The following TRAPPC6B variants were observed in gnomAD, a reference collection of about 807,000 sequenced individuals.
TRAPPC6B encodes TRAPP complex subunit 6B.
A neutral mutation model predicts 24.7 loss-of-function variants in TRAPPC6B; 27 were observed. The observed-to-expected ratio is 1.09, with a 90% CI of 0.81 to 1.51. The LOEUF is 1.51. Among genes scored for constraint, TRAPPC6B ranks in the 40% most tolerant of loss-of-function variants. The probability of loss-of-function intolerance (pLI) is 0.00; values close to 1 mark genes in which losing one functional copy is unlikely to be tolerated. For missense variants in TRAPPC6B, 212 were observed against 190.8 expected, an observed-to-expected ratio of 1.11 and a Z score of -0.66; for synonymous variants, 80 against 66.6, an observed-to-expected ratio of 1.20 and a Z score of -0.98.
chr14:39,154,083 A>G, intron 4 of TRAPPC6B, 128 bp downstream of exon 4: 1 of 597,040 alleles, frequency 1.7e-6, no homozygotes, highest in Non-Finnish European at 2.9e-6. Flanking sequence ...ATTTCATAGA[A>G]AACTCTTTAA....
intron 4 of TRAPPC6B, 144 bp downstream of exon 4, chr14:39,154,067 T>G (rs1183451880): frequency 1.8e-6 from 1 of 569,070 alleles, no homozygotes; most frequent in Admixed American, 3.0e-5. Flanking sequence ...TTGTAACATG[T>G]CTCTCATTTC....
At chr14:39,163,216 A>G (rs1231037448) in intron 1 of TRAPPC6B, among the ~76,000 whole-genome samples, 2 of 150,108 alleles carry the variant, frequency 1.3e-5, no homozygotes, top group Admixed American at 6.6e-5. Context: ...CTAAAAATAC[A>G]AAAAATTAGC....
chr14:39,158,278 TA>T lies in TRAPPC6B; in HGVS notation c.267+6del. Reference sequence around the variant, plus strand: ...TTTAAAATATAGGCCTTAATTAATTTAATTACCTGATGATTTGTCCTTAGAT... The same window carrying T: ...TTTAAAATATAGGCCTTAATTAATTTATTACCTGATGATTTGTCCTTAGAT... On this transcript the variant is annotated splice_donor_region_variant and intron_variant, in intron 3 of 5. Transcript: ENST00000330149. The T allele has an allele frequency of 6.8e-7, 1 of 1,478,886 alleles. No homozygotes were observed. The highest frequency in any genetic ancestry group is 9.3e-7 in the Non-Finnish European group (1 of 1,080,714). 91.6% of individuals were successfully genotyped at this position (1,478,886 alleles called of 1,614,324 possible).
At chr14:39,165,156 C>T (rs1168118782) in intron 1 of TRAPPC6B, among the ~76,000 whole-genome samples, 2 of 152,038 alleles carry the variant, frequency 1.3e-5, no homozygotes, top group Non-Finnish European at 2.9e-5. Flanking sequence ...CGCCATTCTC[C>T]TGCCTCAGCC....
chr14:39,154,527 C>T lies in TRAPPC6B; in HGVS notation c.268-233G>A, dbSNP rs555690859. 3.9e-5 allele frequency among the ~76,000 whole-genome samples: 6 copies of T among 152,252 alleles called. No homozygotes were observed. The South Asian group carries it at 8.3e-4, about 21-fold the overall frequency. On this transcript the variant is annotated intron_variant, in intron 3 of 5. Transcript: ENST00000330149. ...CTCCAACTCCCAGACTCAATCAATCCTCCCACCGCAGGCTCCCAAGTAGCT... is the reference window on the plus strand; with the variant it reads ...CTCCAACTCCCAGACTCAATCAATCTTCCCACCGCAGGCTCCCAAGTAGCT...
intron 1 of TRAPPC6B, among the ~76,000 whole-genome samples, chr14:39,163,989 C>G (rs1043896320): frequency 6.6e-6 from 1 of 150,830 alleles, no homozygotes; most frequent in Non-Finnish European, 1.5e-5. Flanking sequence ...CCCAACCCCC[C>G]ATACACTGTA....
intron 1 of TRAPPC6B, among the ~76,000 whole-genome samples, chr14:39,162,923 G>T (rs1260684091): frequency 7.0e-6 from 1 of 143,396 alleles, no homozygotes; most frequent in African/African-American, 3.0e-5. Context: ...CACATTCCAG[G>T]GGCTTTTGCA....
At chr14:39,161,679 G>A (rs2053060935) in intron 1 of TRAPPC6B, among the ~76,000 whole-genome samples, 1 of 152,142 alleles carries the variant, frequency 6.6e-6, no homozygotes, top group Admixed American at 6.6e-5. Flanking sequence ...TCTTACCGTA[G>A]ATGGCACACA....
At chr14:39,154,317 A>T in intron 3 of TRAPPC6B, 23 bp from the exon 4 acceptor site, 1 of 1,495,236 alleles carries the variant, frequency 6.7e-7, no homozygotes, top group Non-Finnish European at 9.3e-7. Flanking sequence ...TAGAAAAAAA[A>T]TCCAAAGTCA....
Position 39,150,003 on chromosome 14 carries a change from G to T in TRAPPC6B, c.*347C>A, listed in dbSNP as rs1337584499. 1 of 180,794 alleles carries T rather than the reference G, an allele frequency of 5.5e-6. No homozygotes were observed. Among genetic ancestry groups the T allele is most frequent in the Admixed American group, 6.2e-5 (1 of 16,178 alleles). 11.2% of individuals were successfully genotyped at this position (180,794 alleles called of 1,614,324 possible). Reference sequence around the variant, plus strand: ...GTTCATTCTTCTCACAAATAATTCTGTTGGTACATAATTTTCTCTCATGCT... The same window carrying T: ...GTTCATTCTTCTCACAAATAATTCTTTTGGTACATAATTTTCTCTCATGCT... On this transcript the variant is annotated 3_prime_UTR_variant, in exon 6 of 6. Coordinates refer to ENST00000330149, the MANE Select transcript of TRAPPC6B (RefSeq NM_001079537.2).
chr14:39,170,123 T>A lies in TRAPPC6B; in HGVS notation c.-28A>T. On this transcript the variant is annotated 5_prime_UTR_variant, in exon 1 of 6. Transcript: ENST00000330149. ...CCTGCTAATTCTTCCAAGCTTCGAGTTTTGGCTCCCGTTTGAGCTGGTCTG... is the reference window on the plus strand; with the variant it reads ...CCTGCTAATTCTTCCAAGCTTCGAGATTTGGCTCCCGTTTGAGCTGGTCTG... 6.2e-7 allele frequency: 1 copy of A among 1,613,126 alleles called. No individual in the cohort carries two copies. The highest frequency in any genetic ancestry group is 8.5e-7 in the Non-Finnish European group (1 of 1,179,232).
intron 4 of TRAPPC6B, among the ~76,000 whole-genome samples, chr14:39,153,818 C>T (rs904794782): frequency 6.6e-6 from 1 of 151,574 alleles, no homozygotes; most frequent in Non-Finnish European, 1.5e-5. Flanking sequence ...GATTCTCCTG[C>T]CTCAGCCTCC....
intron 2 of TRAPPC6B, chr14:39,158,713 G>T: frequency 5.3e-6 from 1 of 187,284 alleles, no homozygotes; most frequent in Non-Finnish European, 1.1e-5. Context: ...TAGAGACAGG[G>T]TTCCACTTTG....
chr14:39,165,325 T>C (rs1283747643), intron 1 of TRAPPC6B, among the ~76,000 whole-genome samples: 1 of 152,206 alleles, frequency 6.6e-6, no homozygotes, highest in Non-Finnish European at 1.5e-5. Flanking sequence ...GTTACAAGCG[T>C]GAGCCACCGC....
chr14:39,157,668 C>A (rs928476181), intron 3 of TRAPPC6B: 3 of 306,524 alleles, frequency 9.8e-6, no homozygotes, highest in African/African-American at 6.6e-5. Flanking sequence ...CCACTGTCGC[C>A]TTTACACAGA....
chr14:39,154,624 TG>T (rs1349036612), intron 3 of TRAPPC6B, among the ~76,000 whole-genome samples: 1 of 152,162 alleles, frequency 6.6e-6, no homozygotes, highest in Non-Finnish European at 1.5e-5. Flanking sequence ...TTCGCCATGT[TG>T]CCCAGGCTGG....
chr14:39,149,806 T>C lies in TRAPPC6B; in HGVS notation c.*544A>G, dbSNP rs1019975573. The C allele has an allele frequency of 3.3e-5, 5 of 152,186 alleles. No homozygotes were observed. The highest frequency in any genetic ancestry group is 9.7e-5 in the African/African-American group (4 of 41,446). 9.4% of individuals were successfully genotyped at this position (152,186 alleles called of 1,614,324 possible). On this transcript the variant is annotated 3_prime_UTR_variant, in exon 6 of 6. Coordinates refer to ENST00000330149, the MANE Select transcript of TRAPPC6B (RefSeq NM_001079537.2). ...TGAAACCTATTAAAGAAAAATTAAATTTATAAACAATTTAGGCAGTCATAT... is the reference window on the plus strand; with the variant it reads ...TGAAACCTATTAAAGAAAAATTAAACTTATAAACAATTTAGGCAGTCATAT...
At chr14:39,152,578 A>G (rs1407759494) in intron 4 of TRAPPC6B, among the ~76,000 whole-genome samples, 2 of 152,188 alleles carry the variant, frequency 1.3e-5, no homozygotes, top group African/African-American at 2.4e-5. Flanking sequence ...TCTTATAAAT[A>G]ATATACATAA....
At position 39,159,639 on chromosome 14, in the gene TRAPPC6B, TA is replaced by T. The variant is rs141803451; in HGVS notation, c.82-90del. ...GTTTTACAAGATTGGTTAAAAATAT[TA>T]ATGTAAACATTTATACTTTTTTCCC... is the stretch of plus-strand genomic sequence containing the variant. On this transcript the variant is annotated intron_variant, in intron 1 of 5. Transcript: ENST00000330149. 3,568 of 863,176 alleles carry T rather than the reference TA, an allele frequency of 4.1e-3. 90 individuals are homozygous for T. In the African/African-American group the frequency reaches 0.052, roughly 13 times the overall value. 53.5% of individuals were successfully genotyped at this position (863,176 alleles called of 1,614,324 possible).
Sources: gnomAD v4.1 joint callset for allele counts (sites outside exome capture counted in the v4.1 genomes callset) on GRCh38, gnomAD v4.1.1 for gene constraint, MANE v1.5 for transcripts, NCBI Gene and HGNC (gene_info 2026-07-23, HGNC 2026-07-21) for gene names.